The following MGAM variants were observed in gnomAD, a reference collection of about 807,000 sequenced individuals.
The protein encoded by MGAM is maltase-glucoamylase.
In MGAM, 253 loss-of-function variants were observed where a neutral mutation model predicts 358.8. The observed-to-expected ratio is 0.71, with a 90% confidence interval of 0.64 to 0.78. The LOEUF is 0.78. MGAM is among the 30% of genes least tolerant of loss of function. The pLI is 0.00. For missense variants in MGAM, 3,080 were observed against 3,432.6 expected (o/e 0.90, Z 2.57); for synonymous variants, 1,105 against 1,227.1 (o/e 0.90, Z 2.08).
At position 142,068,592 on chromosome 7, in the gene MGAM, T is replaced by G; in HGVS notation, c.5005-55T>G. The G allele has an allele frequency of 7.6e-6, 10 of 1,316,008 alleles. 1 individual carries two copies. The Middle Eastern group carries it at 1.1e-3, about 142-fold the overall frequency. The allele number at this position is 1,316,008 out of a possible 1,614,324, so 81.5% of individuals were successfully genotyped here. ...TCACCTCTTTCCTAAGCAGTTTGGTTACTCTGTCCTGGAAAATGGTGGCAC... is the reference window on the plus strand; with the variant it reads ...TCACCTCTTTCCTAAGCAGTTTGGTGACTCTGTCCTGGAAAATGGTGGCAC... On this transcript the variant is annotated intron_variant, in intron 42 of 70. Coordinates refer to ENST00000475668, the MANE Select transcript of MGAM (RefSeq NM_001365693.1).
intron 3 of MGAM, among the ~76,000 whole-genome samples, chr7:142,013,814 T>C (rs1232228457): frequency 6.6e-6 from 1 of 152,226 alleles, no homozygotes; most frequent in Admixed American, 6.5e-5. Flanking sequence ...CACAAGCACC[T>C]GGGGCTTCTC....
intron 2 of MGAM, among the ~76,000 whole-genome samples, chr7:142,006,652 C>T (rs1249263114): frequency 1.3e-5 from 2 of 152,094 alleles, no homozygotes; most frequent in Non-Finnish European, 2.9e-5. Flanking sequence ...AGAAATATTT[C>T]AGAATCTTGA....
intron 34 of MGAM, among the ~76,000 whole-genome samples, chr7:142,062,278 G>A (rs1812284400): frequency 6.6e-6 from 1 of 152,172 alleles, no homozygotes; most frequent in Admixed American, 6.5e-5. Flanking sequence ...TGAGGGTTGG[G>A]CATCGAGTGC....
chr7:142,079,372 T>A (rs1814030378), intron 49 of MGAM, among the ~76,000 whole-genome samples: 1 of 145,464 alleles, frequency 6.9e-6, no homozygotes, highest in South Asian at 2.2e-4. Context: ...CAGGGTCTGG[T>A]GCTTGATTGA....
chr7:142,027,540 A>G, intron 9 of MGAM, 70 bp from the exon 10 acceptor site: 1 of 1,542,564 alleles, frequency 6.5e-7, no homozygotes, highest in Non-Finnish European at 8.9e-7. Context: ...GTGCTCTGAA[A>G]GCAATGCTTC....
Position 142,020,894 on chromosome 7 carries a change from G to A in MGAM, c.449-80G>A, listed in dbSNP as rs936270813. 135 of 993,016 alleles carry A rather than the reference G, an allele frequency of 1.4e-4. No homozygotes were observed. In the African/African-American group the frequency reaches 1.7e-3, roughly 12 times the overall value. The allele number at this position is 993,016 out of a possible 1,614,324, so 61.5% of individuals were successfully genotyped here. ...GGTGTGAACCACTGCACCCAGCCCC[G>A]TGTATCATAATTTTTATGTAGCTAT... On this transcript the variant is annotated intron_variant, in intron 4 of 70. Coordinates refer to ENST00000475668, the MANE Select transcript of MGAM (RefSeq NM_001365693.1).
intron 12 of MGAM, 93 bp downstream of exon 12, chr7:142,030,850 G>T: frequency 5.1e-6 from 4 of 786,802 alleles, no homozygotes; most frequent in South Asian, 3.1e-5. Flanking sequence ...GCATGTAATT[G>T]TTTTATTGTA....
intron 43 of MGAM, among the ~76,000 whole-genome samples, chr7:142,069,434 AG>A (rs1813143750): frequency 6.9e-6 from 1 of 145,672 alleles, no homozygotes; most frequent in South Asian, 2.2e-4. Context: ...GAAGAATCAA[AG>A]GAGGTATTTC....
chr7:142,064,116 G>A (rs1032209256), intron 36 of MGAM, among the ~76,000 whole-genome samples: 24 of 152,192 alleles, frequency 1.6e-4, no homozygotes, highest in African/African-American at 5.8e-4. Context: ...GAAGTCAAAA[G>A]CCTAAATCAG....
chr7:142,059,865 A>G lies in MGAM; in HGVS notation c.3958A>G (p.Ile1320Val). ...TATGCTTTGATTTCAGGATCCAGCC[A>G]TTTCTGGCAATGAGACACAGCCTTA... The part of the protein sequence containing the change: ...MRVILILDPA[I>V]SGNETQPYPA... The change falls in exon 33 of 71, where the codon ATT (isoleucine) becomes GTT (valine). Residue 1320 changes from isoleucine to valine, a missense_variant. Physicochemically the swap from Ile to Val is conservative, Grantham distance 29 (BLOSUM62 3). Around this residue, in one of 5 missense-constraint regions of MGAM, gnomAD observed 1,816 missense variants for 1,840.5 expected, o/e 0.99. Transcript: ENST00000475668. 2.5e-6 allele frequency: 4 copies of G among 1,609,212 alleles called. No individual in the cohort carries two copies. Among genetic ancestry groups the G allele is most frequent in the Non-Finnish European group, 3.4e-6 (4 of 1,177,824 alleles).
At chr7:142,056,743 G>T (rs1380758318) in intron 29 of MGAM, 87 bp from the exon 30 acceptor site, 10 of 1,276,316 alleles carry the variant, frequency 7.8e-6, no homozygotes, top group African/African-American at 1.5e-5. Flanking sequence ...TAGGGAGGGT[G>T]CAGGAAGATG....
chr7:141,986,749 G>GA (rs1803720382), intron 2 of MGAM, among the ~76,000 whole-genome samples: 1 of 152,108 alleles, frequency 6.6e-6, no homozygotes, highest in Non-Finnish European at 1.5e-5. Flanking sequence ...AATATTGATT[G>GA]AAATTACTTA....
chr7:142,061,571 C>T (rs1812203830), intron 34 of MGAM, among the ~76,000 whole-genome samples: 1 of 152,104 alleles, frequency 6.6e-6, no homozygotes, highest in South Asian at 2.1e-4. Flanking sequence ...TGCCCTTTAT[C>T]TGTGGTGTAT....
At chr7:142,099,076 A>G (rs928017437) in intron 66 of MGAM, among the ~76,000 whole-genome samples, 3 of 152,176 alleles carry the variant, frequency 2.0e-5, no homozygotes, top group Admixed American at 1.3e-4. Context: ...TCTTACCTGT[A>G]AAGTAGCAGC....
chr7:142,024,414 G>GAA (rs10580224), intron 7 of MGAM, among the ~76,000 whole-genome samples: 2 of 138,876 alleles, frequency 1.4e-5, no homozygotes, highest in Non-Finnish European at 1.5e-5. Context: ...ACCCTGTCTG[G>GAA]AAAAAAAAAA....
intron 2 of MGAM, among the ~76,000 whole-genome samples, chr7:141,989,454 G>C (rs1803848579): frequency 6.6e-6 from 1 of 152,048 alleles, no homozygotes; most frequent in Non-Finnish European, 1.5e-5. Flanking sequence ...CTGAGCTTCA[G>C]AAAATTGAAA....
In MGAM at chr7:142,038,558, T is replaced by A. The variant is rs1229475146; in HGVS notation, c.2259T>A (p.Asp753Glu). The A allele has an allele frequency of 1.2e-6, 2 of 1,611,618 alleles. No individual in the cohort carries two copies. The highest frequency in any genetic ancestry group is 4.5e-5 in the East Asian group (2 of 44,696). The stretch of plus-strand genomic sequence containing the variant: ...TCTACGAGGACAACAGCACTTGGGA[T>A]GTGCACCAACAGTTCTTATGGGGGC... ...HEFYEDNSTW[D>E]VHQQFLWGPG... The change falls in exon 19 of 71, where the codon GAT becomes GAA. Residue 753 changes from aspartate to glutamate, a missense_variant. Physicochemically the swap from Asp to Glu is conservative, Grantham distance 45. This residue lies in a region of MGAM where 1,816 missense variants were observed against 1,840.5 expected (regional missense o/e 0.99). Coordinates refer to ENST00000475668, the MANE Select transcript of MGAM (RefSeq NM_001365693.1).
Position 142,093,733 on chromosome 7 carries a change from G to T in MGAM, c.7172+183G>T, listed in dbSNP as rs193074514. Among the ~76,000 whole-genome samples the T allele has an allele frequency of 1.6e-4, 24 of 146,472 alleles. 4 individuals carry two copies. Among genetic ancestry groups the T allele is most frequent in the East Asian group, 2.0e-4 (1 of 4,986 alleles). On this transcript the variant is annotated intron_variant, in intron 60 of 70. Transcript: ENST00000475668. ...TGGAGCCAGGCCCTGTGATTAAAAG[G>T]AGGAGGACAGATTTAAATAAGGCAT...
At chr7:142,027,357 T>A in intron 9 of MGAM, 130 bp downstream of exon 9, 2 of 815,318 alleles carry the variant, frequency 2.5e-6, no homozygotes, top group South Asian at 1.7e-5. Context: ...AAGAACAGAT[T>A]TCATATATGC....
Sources: gnomAD v4.1 joint callset for allele counts (sites outside exome capture counted in the v4.1 genomes callset) on GRCh38, gnomAD v4.1.1 for gene constraint, gnomAD v4.1.1 regional missense constraint, MANE v1.5 for transcripts, NCBI Gene and HGNC (gene_info 2026-07-23, HGNC 2026-07-21) for gene names.